RTF1: variants seen among roughly 807,000 people sequenced by gnomAD.
The protein encoded by RTF1 is RTF1 homolog, Paf1/RNA polymerase II complex component.
In RTF1, 10 loss-of-function variants were observed where a neutral mutation model predicts 95.7. The ratio of observed to expected loss-of-function variants is 0.10; its 90% CI spans 0.06 to 0.18. The LOEUF (loss-of-function observed/expected upper bound fraction) is 0.18. Ranked by LOEUF, RTF1 falls within the 10% of genes least tolerant of loss-of-function variation. The pLI is 1.00. For missense variants in RTF1, 458 were observed against 875.6 expected, an observed-to-expected ratio of 0.52 and a Z score of 6.02; for synonymous variants, 305 against 311.8, an observed-to-expected ratio of 0.98 and a Z score of 0.23.
At position 41,480,871 on chromosome 15, in the gene RTF1, C is replaced by G; in HGVS notation, c.*184C>G. On this transcript the variant is annotated 3_prime_UTR_variant, in exon 18 of 18. Transcript: ENST00000389629. ...GACCTCCTTTGTCTGCACACCATCT[C>G]CCACCAGCCTCCCCTCCCCCAGGGC... 2 of 591,350 alleles carry G rather than the reference C, an allele frequency of 3.4e-6. No homozygotes were observed. Among genetic ancestry groups the G allele is most frequent in the Non-Finnish European group, 6.1e-6 (2 of 330,444 alleles). The allele number at this position is 591,350 out of a possible 1,614,324, so 36.6% of individuals were successfully genotyped here. A position where few individuals can be genotyped will look rare whatever the true frequency, so the allele number is the denominator to read the frequency against.
Position 41,434,661 on chromosome 15 carries a change from A to G in RTF1, c.199-3660A>G, listed in dbSNP as rs112536470. Among the ~76,000 whole-genome samples, 310 of 147,398 alleles carry G rather than the reference A, an allele frequency of 2.1e-3. 1 individual carries two copies. Among genetic ancestry groups the G allele is most frequent in the South Asian group, 5.6e-3 (26 of 4,680 alleles). The stretch of plus-strand genomic sequence containing the variant: ...TTTTCTTTTTGAGATGGAGTCTTGC[A>G]CTGTCACCCGGGCTGGAGTGCAGTG... On this transcript the variant is annotated intron_variant, in intron 1 of 17. Coordinates refer to ENST00000389629, the MANE Select transcript of RTF1 (RefSeq NM_015138.5).
At chr15:41,446,206 A>G (rs765083626) in intron 2 of RTF1, among the ~76,000 whole-genome samples, 4 of 152,134 alleles carry the variant, frequency 2.6e-5, no homozygotes, top group Non-Finnish European at 5.9e-5. Context: ...ATGGAAACCT[A>G]CAATGTTACA....
chr15:41,424,650 A>G (rs188125711), intron 1 of RTF1, among the ~76,000 whole-genome samples: 1 of 152,352 alleles, frequency 6.6e-6, no homozygotes, highest in African/African-American at 2.4e-5. Flanking sequence ...TGTGTCTCAT[A>G]TGTACATGTA....
At chr15:41,471,084 G>A in intron 7 of RTF1, 88 bp from the exon 8 acceptor site, 1 of 1,299,352 alleles carries the variant, frequency 7.7e-7, no homozygotes, top group Non-Finnish European at 1.1e-6. Flanking sequence ...ATGTACTTTG[G>A]TTAAGTTTTG....
intron 3 of RTF1, 112 bp downstream of exon 3, chr15:41,453,160 T>C (rs2050796751): frequency 6.2e-6 from 5 of 801,484 alleles, no homozygotes; most frequent in South Asian, 6.0e-5. Context: ...TGACCTCTTC[T>C]TTAGAGCAGT....
chr15:41,479,349 A>G, intron 16 of RTF1, 151 bp downstream of exon 16: 2 of 609,586 alleles, frequency 3.3e-6, no homozygotes, highest in Non-Finnish European at 3.0e-6. Context: ...ATTTACAGAT[A>G]TAATCAACAG....
At chr15:41,429,687 G>T (rs554192265) in intron 1 of RTF1, among the ~76,000 whole-genome samples, 1 of 152,142 alleles carries the variant, frequency 6.6e-6, no homozygotes, top group South Asian at 2.1e-4. Flanking sequence ...AAGCCAAGCT[G>T]TTATCAGCTT....
intron 4 of RTF1, among the ~76,000 whole-genome samples, chr15:41,459,394 T>G (rs1229833546): frequency 6.6e-6 from 1 of 151,992 alleles, no homozygotes. Context: ...GGGAGGGGAA[T>G]TATAGAGATT....
intron 6 of RTF1, among the ~76,000 whole-genome samples, chr15:41,469,706 G>A (rs890546563): frequency 6.6e-6 from 1 of 151,880 alleles, no homozygotes; most frequent in Non-Finnish European, 1.5e-5. Flanking sequence ...TTGTATTTTA[G>A]TAGAGACAGA....
In RTF1 at chr15:41,480,976, C is replaced by CATTG; in HGVS notation, c.*289_*290insATTG. On this transcript the variant is annotated 3_prime_UTR_variant, in exon 18 of 18. Coordinates refer to ENST00000389629, the MANE Select transcript of RTF1 (RefSeq NM_015138.5). ...TGTTTGCCTTTTGTTTTTTTAACCG[C>CATTG]GCAGTTCATTGGCCACTCTGCACGC... 2.6e-6 allele frequency: 1 copy of CATTG among 380,696 alleles called. No individual in the cohort carries two copies. The highest frequency in any genetic ancestry group is 4.9e-6 in the Non-Finnish European group (1 of 202,104). The allele number at this position is 380,696 out of a possible 1,614,324, so 23.6% of individuals were successfully genotyped here. A position where few individuals can be genotyped will look rare whatever the true frequency, so the allele number is the denominator to read the frequency against.
intron 1 of RTF1, among the ~76,000 whole-genome samples, chr15:41,437,599 G>A (rs1162102004): frequency 6.6e-6 from 1 of 152,172 alleles, no homozygotes; most frequent in Non-Finnish European, 1.5e-5. Flanking sequence ...CTTTTGTTGC[G>A]TTTTTGAGTG....
intron 8 of RTF1, among the ~76,000 whole-genome samples, chr15:41,472,167 C>T (rs1389744714): frequency 2.7e-5 from 4 of 147,540 alleles, no homozygotes; most frequent in Non-Finnish European, 4.5e-5. Flanking sequence ...AAAGTGCTGG[C>T]GTGAGCCACC....
Position 41,471,229 on chromosome 15 carries a change from G to T in RTF1, c.1083G>T (p.Arg361=). 3 of 1,613,582 alleles carry T rather than the reference G, an allele frequency of 1.9e-6. No homozygotes were observed. The highest frequency in any genetic ancestry group is 2.5e-6 in the Non-Finnish European group (3 of 1,179,860). The change falls in exon 8 of 18, where the codon CGG becomes CGT. Residue 361 remains arginine, a synonymous_variant. Transcript: ENST00000389629. ...TTTCCTTACCTGAAGAATTGAATCG[G>T]GTTCGATTATCACGGCATAAGCTAG... The part of the protein sequence containing the change: ...QPVSLPEELN[R]VRLSRHKLER...
At chr15:41,427,615 G>A (rs2050642644) in intron 1 of RTF1, among the ~76,000 whole-genome samples, 1 of 152,074 alleles carries the variant, frequency 6.6e-6, no homozygotes, top group Admixed American at 6.6e-5. Context: ...AGGAGGTTGA[G>A]GCTGCAGAGA....
chr15:41,473,015 A>T (rs1260081454), intron 8 of RTF1, among the ~76,000 whole-genome samples: 1 of 150,404 alleles, frequency 6.6e-6, no homozygotes, highest in Non-Finnish European at 1.5e-5. Context: ...TTTGGGATTT[A>T]AAAAAAAATT....
chr15:41,457,562 C>A, intron 3 of RTF1, 110 bp from the exon 4 acceptor site: 2 of 943,082 alleles, frequency 2.1e-6, no homozygotes, highest in Non-Finnish European at 3.3e-6. Flanking sequence ...AAATAACAAA[C>A]TGGTTTCTTA....
chr15:41,463,693 G>A (rs1256852463), intron 4 of RTF1, among the ~76,000 whole-genome samples: 2 of 152,056 alleles, frequency 1.3e-5, no homozygotes, highest in African/African-American at 4.8e-5. Flanking sequence ...TGTTGTCCAG[G>A]CTAGTCTCCA....
At chr15:41,431,379 T>C (rs1253601742) in intron 1 of RTF1, among the ~76,000 whole-genome samples, 1 of 151,924 alleles carries the variant, frequency 6.6e-6, no homozygotes, top group Non-Finnish European at 1.5e-5. Context: ...CACGCCCAGC[T>C]ACTTTTTTTG....
intron 5 of RTF1, among the ~76,000 whole-genome samples, chr15:41,465,155 C>G (rs2050874299): frequency 6.6e-6 from 1 of 150,798 alleles, no homozygotes; most frequent in African/African-American, 2.4e-5. Flanking sequence ...CCTCCTTCCC[C>G]CTTCCCTTCC....
Sources: gnomAD v4.1 joint callset for allele counts (sites outside exome capture counted in the v4.1 genomes callset) on GRCh38, gnomAD v4.1.1 for gene constraint, MANE v1.5 for transcripts, NCBI Gene and HGNC (gene_info 2026-07-23, HGNC 2026-07-21) for gene names.